The following CCDC175 variants were observed in gnomAD, a reference collection of about 807,000 sequenced individuals.
CCDC175 encodes the protein coiled-coil domain-containing protein 175.
A neutral mutation model predicts 114.6 loss-of-function variants in CCDC175; 100 were observed. The observed-to-expected ratio is 0.87, with a 90% CI of 0.74 to 1.03. The LOEUF (loss-of-function observed/expected upper bound fraction) is 1.03. Among genes scored for constraint, CCDC175 ranks in the 50% least tolerant of loss-of-function variants. The pLI, the probability that CCDC175 is intolerant of heterozygous loss-of-function variation, is 0.00. For synonymous variants in CCDC175, 306 were observed against 308.7 expected, an observed-to-expected ratio of 0.99 and a Z score of 0.09; for missense variants, 880 against 917.8, an observed-to-expected ratio of 0.96 and a Z score of 0.53.
chr14:59,507,202 C>A (rs994562720), intron 19 of CCDC175, among the ~76,000 whole-genome samples: 7 of 152,200 alleles, frequency 4.6e-5, no homozygotes, highest in Admixed American at 4.6e-4. Flanking sequence ...CTCCACTCAG[C>A]CTTGCTACTT....
chr14:59,512,239 G>A (rs945775292), intron 17 of CCDC175, among the ~76,000 whole-genome samples: 1 of 152,230 alleles, frequency 6.6e-6, no homozygotes, highest in African/African-American at 2.4e-5. Flanking sequence ...TGGGAGCTTG[G>A]TTTAAAAGTC....
chr14:59,543,510 A>G (rs762183549), intron 9 of CCDC175, 56 bp from the exon 10 acceptor site: 5 of 563,308 alleles, frequency 8.9e-6, no homozygotes, highest in Non-Finnish European at 1.4e-5. Context: ...GCAAACACAA[A>G]TAAGAATTTC....
chr14:59,537,884 G>C, intron 13 of CCDC175, 139 bp downstream of exon 13: 1 of 535,954 alleles, frequency 1.9e-6, no homozygotes, highest in Non-Finnish European at 3.0e-6. Flanking sequence ...AAAGAAGAAA[G>C]ATCCAGAATG....
intron 19 of CCDC175, among the ~76,000 whole-genome samples, chr14:59,507,081 T>G (rs1313691952): frequency 2.6e-5 from 4 of 152,174 alleles, no homozygotes; most frequent in Non-Finnish European, 5.9e-5. Context: ...TTACAAGAAA[T>G]AAAATTAAGG....
chr14:59,531,101 C>T (rs1256559594), intron 14 of CCDC175, among the ~76,000 whole-genome samples: 1 of 146,424 alleles, frequency 6.8e-6, no homozygotes, highest in Non-Finnish European at 1.5e-5. Context: ...ATAGTGAGAC[C>T]CTGTGTGTTT....
At chr14:59,536,744 A>AT (rs1376059661) in intron 13 of CCDC175, among the ~76,000 whole-genome samples, 1 of 152,150 alleles carries the variant, frequency 6.6e-6, no homozygotes, top group African/African-American at 2.4e-5. Context: ...CTATTAAATT[A>AT]TTTTTTTAAA....
Position 59,574,996 on chromosome 14 carries a change from TAC to T in CCDC175, c.188_189del (p.Cys63Ter). Reference sequence around the variant, plus strand: ...TTAAGAAAGATCTTAGCTTCTTCATTACATTTAAAATAGTCACTTTGCAGTGA... The same window carrying T: ...TTAAGAAAGATCTTAGCTTCTTCATTATTTAAAATAGTCACTTTGCAGTGA... Reference protein sequence around the residue: ...EQSLQSDYFKCNEEAKIFLKD... With the variant: ...EQSLQSDYFKXNEEAKIFLKD... On this transcript the variant is annotated frameshift_variant, in exon 2 of 20. Transcript: ENST00000537690. LOFTEE classifies it high-confidence loss of function. 1 of 1,518,146 alleles carries T rather than the reference TAC, an allele frequency of 6.6e-7. No homozygotes were observed. The highest frequency in any genetic ancestry group is 8.8e-7 in the Non-Finnish European group (1 of 1,134,362). 94.0% of individuals were successfully genotyped at this position (1,518,146 alleles called of 1,614,324 possible). A position where few individuals can be genotyped will look rare whatever the true frequency, so the allele number is the denominator to read the frequency against.
At chr14:59,543,234 C>T (rs920588673) in intron 10 of CCDC175, 110 bp downstream of exon 10, 3 of 468,936 alleles carry the variant, frequency 6.4e-6, no homozygotes, top group African/African-American at 6.1e-5. Context: ...TAGTTCTAAA[C>T]TTCCTTTTCT....
intron 17 of CCDC175, among the ~76,000 whole-genome samples, chr14:59,515,196 C>T (rs1038823238): frequency 2.0e-5 from 3 of 152,176 alleles, no homozygotes; most frequent in South Asian, 4.1e-4. Context: ...CAACTGGTAC[C>T]AGCCACTGAA....
chr14:59,518,187 C>G (rs1893216155), intron 17 of CCDC175, among the ~76,000 whole-genome samples: 1 of 152,214 alleles, frequency 6.6e-6, no homozygotes, highest in African/African-American at 2.4e-5. Context: ...GGACTAAAGA[C>G]TTAAATCTTA....
At chr14:59,517,990 C>A (rs546274764) in intron 17 of CCDC175, among the ~76,000 whole-genome samples, 18 of 152,114 alleles carry the variant, frequency 1.2e-4, no homozygotes, top group South Asian at 6.2e-4. Flanking sequence ...GCAATGGAAC[C>A]GAACAGAGCC....
At chr14:59,559,903 C>T (rs966051989) in intron 7 of CCDC175, among the ~76,000 whole-genome samples, 4 of 152,050 alleles carry the variant, frequency 2.6e-5, no homozygotes, top group South Asian at 2.1e-4. Flanking sequence ...AATCCTCACA[C>T]GTTAGCTAAC....
At chr14:59,520,628 A>G (rs1220542428) in intron 17 of CCDC175, among the ~76,000 whole-genome samples, 1 of 152,240 alleles carries the variant, frequency 6.6e-6, no homozygotes, top group Non-Finnish European at 1.5e-5. Context: ...ATGAATAAAT[A>G]AAATATGGTA....
At chr14:59,515,099 T>G (rs2139964285) in intron 17 of CCDC175, among the ~76,000 whole-genome samples, 1 of 152,284 alleles carries the variant, frequency 6.6e-6, no homozygotes, top group Admixed American at 6.5e-5. Flanking sequence ...TAAAATCCTT[T>G]ATAGACAAGC....
At chr14:59,573,060 ATC>A (rs1469078665) in intron 2 of CCDC175, among the ~76,000 whole-genome samples, 2 of 152,116 alleles carry the variant, frequency 1.3e-5, no homozygotes, top group Non-Finnish European at 2.9e-5. Flanking sequence ...CTTTATGAGT[ATC>A]TGTTTCTTAT....
At chr14:59,575,871 G>A (rs539122969) in intron 1 of CCDC175, among the ~76,000 whole-genome samples, 64 of 152,160 alleles carry the variant, frequency 4.2e-4, no homozygotes, top group Admixed American at 2.7e-3. Flanking sequence ...TTAACCTAGC[G>A]CATTTAAGAA....
intron 7 of CCDC175, among the ~76,000 whole-genome samples, chr14:59,558,754 G>A (rs2140098202): frequency 6.6e-6 from 1 of 152,276 alleles, no homozygotes; most frequent in South Asian, 2.1e-4. Context: ...AAGGTGTACA[G>A]TATCTGCATT....
At chr14:59,505,984 A>AT (rs1892349757) in intron 19 of CCDC175, among the ~76,000 whole-genome samples, 1 of 152,300 alleles carries the variant, frequency 6.6e-6, no homozygotes, top group South Asian at 2.1e-4. Flanking sequence ...GAAATCTTAA[A>AT]TTCTCAAAGA....
chr14:59,531,671 G>GT (rs1894082049), intron 14 of CCDC175, 101 bp downstream of exon 14: 1 of 828,028 alleles, frequency 1.2e-6, no homozygotes, highest in Admixed American at 3.6e-5. Flanking sequence ...AGTTTGGTGA[G>GT]TTTCACCATT....
Sources: allele counts gnomAD v4.1 joint callset (sites outside exome capture counted in the v4.1 genomes callset), GRCh38; gene constraint gnomAD v4.1.1; transcripts MANE v1.5; gene names NCBI Gene and HGNC (gene_info 2026-07-23, HGNC 2026-07-21).